CCNB3: variants seen among roughly 807,000 people sequenced by gnomAD.
CCNB3 encodes the protein G2/mitotic-specific cyclin-B3.
In CCNB3, 12 loss-of-function variants were observed where a neutral mutation model predicts 68.0. The ratio of observed to expected loss-of-function variants is 0.18; its 90% CI spans 0.11 to 0.29. The LOEUF (loss-of-function observed/expected upper bound fraction) is 0.29, where lower values mean the gene tolerates loss of function less well. Among genes scored for constraint, CCNB3 ranks in the 10% least tolerant of loss-of-function variants. The pLI, the probability that CCNB3 is intolerant of heterozygous loss-of-function variation, is 1.00. For missense variants in CCNB3, 904 were observed against 993.1 expected (o/e 0.91, Z 1.21); for synonymous variants, 354 against 388.9 (o/e 0.91, Z 1.06).
rs782816005 is a variant in CCNB3, at chrX:50,332,644, T to C, written c.3517-9558T>C. 9.9e-4 allele frequency among the ~76,000 whole-genome samples: 110 copies of C among 111,134 alleles called. 1 individual carries two copies. The highest frequency in any genetic ancestry group is 3.4e-3 in the African/African-American group (103 of 30,555). ...GCTTGGTTTCGCCTCCCAGATTTCA[T>C]TGGCTGTGGTGGATCCAGGCTGGGA... On this transcript the variant is annotated intron_variant, in intron 8 of 12. Transcript: ENST00000376042.
chrX:50,309,924 G>A lies in CCNB3; in HGVS notation c.1755G>A (p.Ser585=), dbSNP rs782137684. The A allele has an allele frequency of 7.2e-5, 87 of 1,208,401 alleles. No individual in the cohort carries two copies. Among genetic ancestry groups the A allele is most frequent in the South Asian group, 6.0e-4 (34 of 56,647 alleles). ...TTEETVLTKT[S]LSLQEKKITQ... The stretch of plus-strand genomic sequence containing the variant: ...AGGAGACAGTACTTACCAAGACATC[G>A]TTGTCTTTACAGGAAAAGAAAATTA... The change falls in exon 6 of 13, where the codon TCG becomes TCA. Residue 585 remains serine (S), a synonymous_variant. Transcript: ENST00000376042.
In CCNB3 at chrX:50,311,465, T is replaced by C; in HGVS notation, c.3296T>C (p.Val1099Ala). Residue 1099 changes from valine (V) to alanine (A), a missense_variant, in exon 6 of 13, where the codon GTC (valine) becomes GCC (alanine). This residue lies in a region of CCNB3 where 285 missense variants were observed against 383.4 expected (regional missense o/e 0.74). Transcript: ENST00000376042. The stretch of plus-strand genomic sequence containing the variant: ...TGTGAATCTGCTTCTGATAAACCTG[T>C]CTCACCACAGGCCAAGGGAACACCA... ...SACESASDKPVSPQAKGTPKE... is the reference protein window; with the variant it reads ...SACESASDKPASPQAKGTPKE... 1.7e-6 allele frequency: 2 copies of C among 1,208,766 alleles called. No homozygotes were observed. Among genetic ancestry groups the C allele is most frequent in the African/African-American group, 3.5e-5 (2 of 57,644 alleles).
chrX:50,307,861 CTCT>C (rs1166014414), intron 5 of CCNB3, among the ~76,000 whole-genome samples: 6 of 111,972 alleles, frequency 5.4e-5, no homozygotes, highest in African/African-American at 1.9e-4. Context: ...GAAATTCTCT[CTCT>C]TCTTATTCTG....
At chrX:50,351,534 G>A in intron 12 of CCNB3, 73 bp from the exon 13 acceptor site, 1 of 1,061,904 alleles carries the variant, frequency 9.4e-7, no homozygotes, top group Non-Finnish European at 1.3e-6. Context: ...AGGGCTGTAT[G>A]TCCCACTTGT....
chrX:50,346,665 C>T lies in CCNB3; in HGVS notation c.3668C>T (p.Pro1223Leu), dbSNP rs186609970. The change falls in exon 10 of 13, where the codon CCT becomes CTT. Residue 1223 changes from proline (P) to leucine (L), a missense_variant. By Grantham distance (98) the Pro-to-Leu change is moderately conservative. Transcript: ENST00000376042. ...IAAKFEEHNS[P>L]RVDDFVYICD... ...CTCCACCCATAGGAGCACAACTCAC[C>T]TCGTGTGGATGACTTTGTGTACATC... is the stretch of plus-strand genomic sequence containing the variant. 28 of 1,208,690 alleles carry T rather than the reference C, an allele frequency of 2.3e-5. No homozygotes were observed. In the East Asian group the frequency reaches 6.8e-4, roughly 29 times the overall value.
At chrX:50,286,323 T>C (rs1441820409) in intron 3 of CCNB3, among the ~76,000 whole-genome samples, 1 of 112,188 alleles carries the variant, frequency 8.9e-6, no homozygotes, top group Non-Finnish European at 1.9e-5. Flanking sequence ...TGTTTTGAGA[T>C]GGAGTCTTGC....
At chrX:50,338,990 A>G (rs1200635807) in intron 8 of CCNB3, among the ~76,000 whole-genome samples, 9 of 112,386 alleles carry the variant, frequency 8.0e-5, no homozygotes, top group African/African-American at 2.9e-4. Flanking sequence ...AGGTATCTTT[A>G]TAGCAATGCC....
chrX:50,294,929 A>G lies in CCNB3; in HGVS notation c.271A>G (p.Lys91Glu). 3.3e-6 allele frequency: 4 copies of G among 1,210,173 alleles called. No homozygotes were observed. Among genetic ancestry groups the G allele is most frequent in the Non-Finnish European group, 4.5e-6 (4 of 894,457 alleles). ...TAAAGAGTTTGTAAAAGTTGTTTCC[A>G]AGAAGATAAACAGGAACACACATGC... ...ANKEFVKVVS[K>E]KINRNTHALG... is the part of the protein sequence containing the mutation. Residue 91 changes from lysine to glutamate, a missense_variant, in exon 5 of 13, where the codon AAG becomes GAG. Physicochemically the swap from Lys to Glu is moderately conservative, Grantham distance 56. This residue lies in a region of CCNB3 where 619 missense variants were observed against 609.8 expected (regional missense o/e 1.02). Transcript: ENST00000376042.
At chrX:50,332,843 A>G (rs1275604975) in intron 8 of CCNB3, among the ~76,000 whole-genome samples, 1 of 111,783 alleles carries the variant, frequency 8.9e-6, no homozygotes, top group Non-Finnish European at 1.9e-5. Flanking sequence ...CCAAGTTGAA[A>G]TAGTTTGTGT....
rs923650698 is a variant in CCNB3 at position 50,280,738 on chromosome X, G to T, written c.-112-3804G>T. Among the ~76,000 whole-genome samples the T allele has an allele frequency of 4.5e-5, 5 of 110,120 alleles. No homozygotes were observed. The Admixed American group carries it at 4.9e-4, about 11-fold the overall frequency. ...CTCTGCTCTTCCCATCCTCTGGCAA[G>T]GTTATTTAAATGAAAACGCGTCTTT... On this transcript the variant is annotated intron_variant, in intron 1 of 12. Coordinates refer to ENST00000376042, the MANE Select transcript of CCNB3 (RefSeq NM_033031.3).
intron 8 of CCNB3, among the ~76,000 whole-genome samples, chrX:50,321,188 C>T (rs1204310877): frequency 9.0e-6 from 1 of 111,604 alleles, no homozygotes; most frequent in African/African-American, 3.2e-5. Context: ...TATGCTTTTA[C>T]CATTACTGAA....
intron 8 of CCNB3, among the ~76,000 whole-genome samples, chrX:50,336,365 G>A (rs1490720927): frequency 8.9e-6 from 1 of 111,897 alleles, no homozygotes; most frequent in Non-Finnish European, 1.9e-5. Context: ...CCAGTAAGTC[G>A]GTGTTTCACC....
At position 50,347,697 on chromosome X, in the gene CCNB3, C is replaced by T. The variant is rs782274692; in HGVS notation, c.3882C>T (p.His1294=). The part of the protein sequence containing the change: ...YICEMTLQEY[H]YVQEKASKLA... ...GCGAGATGACCCTGCAGGAATACCACTATGTCCAGGAGAAGGCTTCCAAGC... is the reference window on the plus strand; with the variant it reads ...GCGAGATGACCCTGCAGGAATACCATTATGTCCAGGAGAAGGCTTCCAAGC... The change falls in exon 11 of 13, where the codon CAC becomes CAT. Residue 1294 remains histidine, a synonymous_variant. Coordinates refer to ENST00000376042, the MANE Select transcript of CCNB3 (RefSeq NM_033031.3). 12 of 1,208,508 alleles carry T rather than the reference C, an allele frequency of 9.9e-6. No individual in the cohort carries two copies. The highest frequency in any genetic ancestry group is 1.3e-5 in the Non-Finnish European group (12 of 894,749).
intron 1 of CCNB3, among the ~76,000 whole-genome samples, chrX:50,226,453 T>A (rs1390298528): frequency 1.4e-5 from 1 of 71,010 alleles, no homozygotes; most frequent in Non-Finnish European, 2.4e-5. Flanking sequence ...ATAGAATATA[T>A]ATAAATATAT....
intron 5 of CCNB3, among the ~76,000 whole-genome samples, chrX:50,305,653 A>T (rs921077172): frequency 6.3e-5 from 7 of 110,670 alleles, no homozygotes; most frequent in Non-Finnish European, 1.3e-4. Flanking sequence ...CTTAAAGTAT[A>T]TTAAAAAAAA....
chrX:50,203,529 C>T (rs1557205067), upstream of CCNB3, among the ~76,000 whole-genome samples: 1 of 112,205 alleles, frequency 8.9e-6, no homozygotes, highest in Non-Finnish European at 1.9e-5. Context: ...GTTTTCCTGC[C>T]ATGAGAGTAC....
chrX:50,311,501 T>C lies in CCNB3; in HGVS notation c.3327+5T>C. On this transcript the variant is annotated splice_donor_5th_base_variant and intron_variant, in intron 6 of 12. Coordinates refer to ENST00000376042, the MANE Select transcript of CCNB3 (RefSeq NM_033031.3). ...GCCAAGGGAACACCAAAGGAGGTAT[T>C]CATCTCCCTTTCTTCTTAAATTAGA... 1 of 1,139,541 alleles carries C rather than the reference T, an allele frequency of 8.8e-7. No homozygotes were observed. The allele number at this position is 1,139,541 out of a possible 1,213,427, so 93.9% of individuals were successfully genotyped here.
chrX:50,320,429 C>T (rs1248523009), intron 8 of CCNB3, among the ~76,000 whole-genome samples: 2 of 110,277 alleles, frequency 1.8e-5, no homozygotes, highest in East Asian at 5.6e-4. Context: ...ATAGTGTTCC[C>T]TCTTTCATTC....
At chrX:50,326,845 A>G (rs1196448825) in intron 8 of CCNB3, among the ~76,000 whole-genome samples, 1 of 111,362 alleles carries the variant, frequency 9.0e-6, no homozygotes, top group African/African-American at 3.3e-5. Context: ...TTTTTCATAC[A>G]TCTGGTTGAT....
Sources: gnomAD v4.1 joint callset for allele counts (sites outside exome capture counted in the v4.1 genomes callset) on GRCh38, gnomAD v4.1.1 for gene constraint, gnomAD v4.1.1 regional missense constraint, MANE v1.5 for transcripts, NCBI Gene and HGNC (gene_info 2026-07-23, HGNC 2026-07-21) for gene names.